MAP6: variants seen among roughly 807,000 people sequenced by gnomAD.
MAP6 encodes the protein microtubule associated protein 6.
In MAP6, 26 loss-of-function variants were observed where a neutral mutation model predicts 42.4. That is an observed-to-expected ratio of 0.61 (90% CI 0.45 to 0.85). The LOEUF (loss-of-function observed/expected upper bound fraction) is 0.85, where lower values mean the gene tolerates loss of function less well. Ranked by LOEUF, MAP6 falls within the 40% of genes least tolerant of loss-of-function variation. MAP6 has a pLI of 0.00. For synonymous variants in MAP6, 418 were observed against 443.8 expected, an observed-to-expected ratio of 0.94 and a Z score of 0.73; for missense variants, 966 against 1,099.0, an observed-to-expected ratio of 0.88 and a Z score of 1.71.
chr11:75,596,865 A>G (rs1392636078), intron 3 of MAP6, among the ~76,000 whole-genome samples: 7 of 152,240 alleles, frequency 4.6e-5, no homozygotes, highest in Non-Finnish European at 1.0e-4. Context: ...ATGGAGAGTC[A>G]TTGAACGTTT....
chr11:75,621,465 G>A (rs1346713384), intron 1 of MAP6, among the ~76,000 whole-genome samples: 1 of 152,080 alleles, frequency 6.6e-6, no homozygotes, highest in Non-Finnish European at 1.5e-5. Context: ...CTAAGATCAG[G>A]AACAAAGTAA....
intron 1 of MAP6, among the ~76,000 whole-genome samples, chr11:75,664,487 T>C (rs529014183): frequency 9.2e-5 from 14 of 152,260 alleles, no homozygotes; most frequent in Non-Finnish European, 1.3e-4. Context: ...ACTGTTCACA[T>C]TGATGTCATG....
In MAP6 at chr11:75,587,695, A is replaced by G. The variant is rs1264871485; in HGVS notation, c.1806T>C (p.Pro602=). ...VKDQGPMVSA[P]VKDQGPIVPA... is the part of the protein sequence containing the mutation. ...GGACTATGGGACCTTGATCCTTGAC[A>G]GGTGCTGAGACCATGGGACCTTGAT... Residue 602 remains proline (P), a synonymous_variant, in exon 4 of 4, where the codon CCT becomes CCC. Coordinates refer to ENST00000304771, the MANE Select transcript of MAP6 (RefSeq NM_033063.2). The G allele has an allele frequency of 6.2e-7, 1 of 1,613,554 alleles. No homozygotes were observed. The highest frequency in any genetic ancestry group is 2.2e-5 in the East Asian group (1 of 44,866).
At position 75,608,737 on chromosome 11, in the gene MAP6, T is replaced by C. The variant is rs59579990; in HGVS notation, c.906-415A>G. 4.5e-3 allele frequency among the ~76,000 whole-genome samples: 685 copies of C among 152,348 alleles called. 2 individuals are homozygous for C. Among genetic ancestry groups the C allele is most frequent in the African/African-American group, 0.016 (661 of 41,582 alleles). ...TTGTGAAATTAAATGAGACAATGTA[T>C]TAGGCACACTGTCTGATATATTGTG... On this transcript the variant is annotated intron_variant, in intron 1 of 3. Coordinates refer to ENST00000304771, the MANE Select transcript of MAP6 (RefSeq NM_033063.2).
At chr11:75,615,655 G>A (rs1451009021) in intron 1 of MAP6, among the ~76,000 whole-genome samples, 1 of 152,202 alleles carries the variant, frequency 6.6e-6, no homozygotes, top group South Asian at 2.1e-4. Flanking sequence ...CTGGTGCCCA[G>A]AGTGGGCAAA....
At chr11:75,659,943 C>T (rs664133) in intron 1 of MAP6, among the ~76,000 whole-genome samples, 114,526 of 152,136 alleles carry the variant, frequency 0.75, 43,952 homozygotes, top group African/African-American at 0.91. Flanking sequence ...ATATATCTTA[C>T]CTTCTTTGTG....
intron 1 of MAP6, among the ~76,000 whole-genome samples, chr11:75,619,097 G>A (rs766910781): frequency 6.6e-6 from 1 of 152,168 alleles, no homozygotes; most frequent in Non-Finnish European, 1.5e-5. Flanking sequence ...GTGTGTGTGA[G>A]TGTGTGCATG....
intron 2 of MAP6, among the ~76,000 whole-genome samples, chr11:75,606,332 G>A (rs572536849): frequency 1.3e-5 from 2 of 152,274 alleles, no homozygotes; most frequent in East Asian, 3.9e-4. Context: ...ACCTCATCAC[G>A]TTGCTCAACT....
chr11:75,618,803 G>C (rs149450611), intron 1 of MAP6, among the ~76,000 whole-genome samples: 1 of 152,148 alleles, frequency 6.6e-6, no homozygotes, highest in Non-Finnish European at 1.5e-5. Context: ...TGGTAGAGCC[G>C]ACAGGTGCTC....
At chr11:75,594,063 G>A (rs537320489) in intron 3 of MAP6, 3 of 152,208 alleles carry the variant, frequency 2.0e-5, no homozygotes, top group Non-Finnish European at 4.4e-5. Context: ...ATTCCAAAGC[G>A]GGGCTTGCTG....
chr11:75,631,401 T>G (rs892000978), intron 1 of MAP6, among the ~76,000 whole-genome samples: 67 of 152,200 alleles, frequency 4.4e-4, no homozygotes, highest in African/African-American at 1.5e-3. Context: ...TGTGGTGGTG[T>G]GCAGATTTAA....
chr11:75,587,402 G>A lies in MAP6; in HGVS notation c.2099C>T (p.Ala700Val). Residue 700 changes from alanine (A) to valine (V), a missense_variant, in exon 4 of 4, where the codon GCA becomes GTA. Physicochemically the swap from Ala to Val is moderately conservative, Grantham distance 64. Around this residue, in one of 2 missense-constraint regions of MAP6, gnomAD observed 943 missense variants for 1,049.9 expected, o/e 0.90. Coordinates refer to ENST00000304771, the MANE Select transcript of MAP6 (RefSeq NM_033063.2). ...CACAGGACCTTGATTCTTTACAGGT[G>A]CCACAACTGCAGAATCGTGAACCTT... is the stretch of plus-strand genomic sequence containing the variant. ...HAKVHDSAVVAPVKNQGPVVP... is the reference protein window; with the variant it reads ...HAKVHDSAVVVPVKNQGPVVP... 2 of 1,614,028 alleles carry A rather than the reference G, an allele frequency of 1.2e-6. No homozygotes were observed. Among genetic ancestry groups the A allele is most frequent in the Non-Finnish European group, 1.7e-6 (2 of 1,179,968 alleles).
At chr11:75,666,786 G>C (rs1367573623) in intron 1 of MAP6, among the ~76,000 whole-genome samples, 1 of 152,214 alleles carries the variant, frequency 6.6e-6, no homozygotes, top group East Asian at 1.9e-4. Flanking sequence ...ACAATCCTAA[G>C]AGATGTCTAT....
chr11:75,648,792 C>T (rs1230978640), intron 1 of MAP6, among the ~76,000 whole-genome samples: 2 of 152,106 alleles, frequency 1.3e-5, no homozygotes, highest in African/African-American at 2.4e-5. Context: ...ATATGCAATT[C>T]ACAGAAGAAG....
At chr11:75,604,683 T>C in intron 3 of MAP6, 1 of 985,390 alleles carries the variant, frequency 1.0e-6, no homozygotes, top group Non-Finnish European at 1.2e-6. Context: ...CTTGGGGGCT[T>C]TGGCCACACA....
chr11:75,594,427 C>T (rs1942540387), intron 3 of MAP6: 1 of 152,210 alleles, frequency 6.6e-6, no homozygotes, highest in Admixed American at 6.5e-5. Context: ...AGGAAACCAT[C>T]TTTGAAAGGC....
intron 1 of MAP6, among the ~76,000 whole-genome samples, chr11:75,651,992 C>A (rs898886746): frequency 2.0e-5 from 3 of 152,152 alleles, no homozygotes; most frequent in African/African-American, 4.8e-5. Context: ...TGTTTGCAAT[C>A]AACCTGATGA....
chr11:75,657,447 G>A (rs992023226), intron 1 of MAP6, among the ~76,000 whole-genome samples: 3 of 152,152 alleles, frequency 2.0e-5, no homozygotes, highest in Non-Finnish European at 4.4e-5. Flanking sequence ...CTCAGGGTAG[G>A]GAGGGCTGGG....
chr11:75,603,174 G>T, intron 3 of MAP6: 1 of 985,510 alleles, frequency 1.0e-6, no homozygotes, highest in Non-Finnish European at 1.2e-6. Context: ...AAGCCAATGC[G>T]CAGCTCTTGG....
Sources: gnomAD v4.1 joint callset for allele counts (sites outside exome capture counted in the v4.1 genomes callset) on GRCh38, gnomAD v4.1.1 for gene constraint, gnomAD v4.1.1 regional missense constraint, MANE v1.5 for transcripts, NCBI Gene and HGNC (gene_info 2026-07-23, HGNC 2026-07-21) for gene names.